TGFBR2: variants seen among roughly 807,000 people sequenced by gnomAD.
TGFBR2 encodes the protein transforming growth factor beta receptor 2.
A neutral mutation model predicts 49.0 loss-of-function variants in TGFBR2; 18 were observed. The ratio of observed to expected loss-of-function variants is 0.37; its 90% CI spans 0.25 to 0.54. TGFBR2 has a LOEUF of 0.54. TGFBR2 is among the 20% of genes least tolerant of loss of function. TGFBR2 has a pLI of 0.85. For missense variants in TGFBR2, 525 were observed against 722.6 expected (o/e 0.73, Z 3.13); for synonymous variants, 282 against 275.9 (o/e 1.02, Z -0.22).
At chr3:30,663,287 TA>T (rs11359371) in intron 3 of TGFBR2, among the ~76,000 whole-genome samples, 104,870 of 151,960 alleles carry the variant, frequency 0.69, 36,680 homozygotes, top group Non-Finnish European at 0.72. Context: ...TCTTCAAGGT[TA>T]ATGGGTCTAT....
Position 30,691,786 on chromosome 3 carries a change from C to A in TGFBR2, c.*187C>A. 1 of 634,550 alleles carries A rather than the reference C, an allele frequency of 1.6e-6. No homozygotes were observed. The highest frequency in any genetic ancestry group is 1.8e-5 in the South Asian group (1 of 56,078). The allele number at this position is 634,550 out of a possible 1,614,324, so 39.3% of individuals were successfully genotyped here. On this transcript the variant is annotated 3_prime_UTR_variant, in exon 7 of 7. Coordinates refer to ENST00000295754, the MANE Select transcript of TGFBR2 (RefSeq NM_003242.6). ...AGTGGGTGACATAGAGCATTCTATG[C>A]CTTTGACATTGTCATAGGATAAGCT... is the stretch of plus-strand genomic sequence containing the variant.
Position 30,688,793 on chromosome 3 carries a change from G to T in TGFBR2, c.1524+282G>T, listed in dbSNP as rs374071921. Among the ~76,000 whole-genome samples, 30 of 152,268 alleles carry T rather than the reference G, an allele frequency of 2.0e-4. No homozygotes were observed. In the South Asian group the frequency reaches 6.2e-3, roughly 32 times the overall value. On this transcript the variant is annotated intron_variant, in intron 6 of 6. Transcript: ENST00000295754. Reference sequence around the variant, plus strand: ...GGTCCTGGGTTAAAACATTTTGTTTGCAGCCTCTGCTACTTACTCCTGGGC... The same window carrying T: ...GGTCCTGGGTTAAAACATTTTGTTTTCAGCCTCTGCTACTTACTCCTGGGC...
chr3:30,643,205 G>A (rs1272828076), intron 1 of TGFBR2, among the ~76,000 whole-genome samples: 2 of 152,216 alleles, frequency 1.3e-5, no homozygotes, highest in Admixed American at 1.3e-4. Context: ...GGAACATGAG[G>A]CTTTTCTTAG....
chr3:30,618,201 A>G (rs963635572), intron 1 of TGFBR2, among the ~76,000 whole-genome samples: 2 of 149,010 alleles, frequency 1.3e-5, no homozygotes, highest in Non-Finnish European at 3.0e-5. Context: ...GAACTGTAGA[A>G]CCCAAGGACC....
At chr3:30,653,482 C>A (rs561850838) in intron 3 of TGFBR2, among the ~76,000 whole-genome samples, 1 of 151,888 alleles carries the variant, frequency 6.6e-6, no homozygotes, top group South Asian at 2.1e-4. Flanking sequence ...AAACTCTTGA[C>A]CTCAGATGAT....
intron 5 of TGFBR2, among the ~76,000 whole-genome samples, chr3:30,678,552 A>T (rs1210025442): frequency 6.6e-6 from 1 of 151,154 alleles, no homozygotes; most frequent in Non-Finnish European, 1.5e-5. Context: ...CGTCTAAAAA[A>T]AAAAAAAAAA....
chr3:30,606,800 C>T lies in TGFBR2; in HGVS notation c.-84C>T. The T allele has an allele frequency of 1.9e-6, 2 of 1,042,818 alleles. No individual in the cohort carries two copies. The highest frequency in any genetic ancestry group is 2.5e-6 in the Non-Finnish European group (2 of 794,284). 64.6% of individuals were successfully genotyped at this position (1,042,818 alleles called of 1,614,324 possible). A position where few individuals can be genotyped will look rare whatever the true frequency, so the allele number is the denominator to read the frequency against. On this transcript the variant is annotated 5_prime_UTR_variant, in exon 1 of 7. Transcript: ENST00000295754. ...CCCGGCGCGGGGTCCGGAGAGGGCG[C>T]GGCGCGGAGGCGCAGCCAGGGGTCC...
rs767407566 is a variant in TGFBR2, at chr3:30,606,947, A to T, written c.64A>T (p.Ser22Cys). 102 of 1,602,816 alleles carry T rather than the reference A, an allele frequency of 6.4e-5. No individual in the cohort carries two copies. The highest frequency in any genetic ancestry group is 7.6e-5 in the Non-Finnish European group (89 of 1,175,020). Residue 22 changes from serine (S) to cysteine (C), a missense_variant, in exon 1 of 7, where the codon AGC becomes TGC. Coordinates refer to ENST00000295754, the MANE Select transcript of TGFBR2 (RefSeq NM_003242.6). ...CATCGTCCTGTGGACGCGTATCGCC[A>T]GCACGATCCCACCGCACGTTCAGAA... ...LHIVLWTRIASTIPPHVQKSV... is the reference protein window; with the variant it reads ...LHIVLWTRIACTIPPHVQKSV...
At chr3:30,618,819 A>C (rs1415640172) in intron 1 of TGFBR2, among the ~76,000 whole-genome samples, 1 of 152,198 alleles carries the variant, frequency 6.6e-6, no homozygotes, top group Non-Finnish European at 1.5e-5. Flanking sequence ...AGACCCAATA[A>C]ATTTCTCTTG....
At chr3:30,634,081 A>G (rs1018674187) in intron 1 of TGFBR2, among the ~76,000 whole-genome samples, 4 of 152,248 alleles carry the variant, frequency 2.6e-5, no homozygotes, top group African/African-American at 9.6e-5. Context: ...AGGCATGCAC[A>G]AGAACCCCGC....
intron 1 of TGFBR2, among the ~76,000 whole-genome samples, chr3:30,640,659 A>T (rs200890884): frequency 1.1e-4 from 9 of 78,926 alleles, no homozygotes; most frequent in African/African-American, 1.9e-4. Context: ...CAATTTTTTT[A>T]AAAAAATATT....
intron 1 of TGFBR2, chr3:30,626,505 T>C (rs1026502858): frequency 2.0e-5 from 3 of 152,296 alleles, no homozygotes; most frequent in Non-Finnish European, 4.4e-5. Context: ...TATTGTTCAC[T>C]TGTTAGCCCC....
intron 2 of TGFBR2, 69 bp downstream of exon 2, chr3:30,644,984 A>G (rs1174097420): frequency 7.2e-7 from 1 of 1,392,368 alleles, no homozygotes; most frequent in African/African-American, 1.4e-5. Flanking sequence ...CATAGTACAC[A>G]CAGTCAGTGT....
At chr3:30,646,155 AC>A (rs1411343484) in intron 2 of TGFBR2, among the ~76,000 whole-genome samples, 2 of 152,108 alleles carry the variant, frequency 1.3e-5, no homozygotes, top group Non-Finnish European at 2.9e-5. Context: ...GTCATTTGAG[AC>A]CCCTAGACCA....
chr3:30,665,402 T>C (rs999273333), intron 3 of TGFBR2, among the ~76,000 whole-genome samples: 7 of 152,352 alleles, frequency 4.6e-5, no homozygotes, highest in African/African-American at 1.7e-4. Flanking sequence ...GGTAAGAGAA[T>C]CTAACTCATA....
At chr3:30,667,620 C>T (rs2125428986) in intron 3 of TGFBR2, among the ~76,000 whole-genome samples, 1 of 152,252 alleles carries the variant, frequency 6.6e-6, no homozygotes, top group South Asian at 2.1e-4. Context: ...GTCAGTGCCA[C>T]ACATAAACTT....
At chr3:30,628,713 G>A (rs967630234) in intron 1 of TGFBR2, among the ~76,000 whole-genome samples, 1 of 151,910 alleles carries the variant, frequency 6.6e-6, no homozygotes, top group Non-Finnish European at 1.5e-5. Flanking sequence ...TTTATCTTGG[G>A]CTCAGGGATT....
rs1254597364 is a variant in TGFBR2, at chr3:30,694,044, ATTGT to A, written c.*2450_*2453del. 6 of 230,444 alleles carry A rather than the reference ATTGT, an allele frequency of 2.6e-5. No individual in the cohort carries two copies. The highest frequency in any genetic ancestry group is 4.4e-5 in the African/African-American group (2 of 45,146). The allele number at this position is 230,444 out of a possible 1,614,324, so 14.3% of individuals were successfully genotyped here. On this transcript the variant is annotated 3_prime_UTR_variant, in exon 7 of 7. Coordinates refer to ENST00000295754, the MANE Select transcript of TGFBR2 (RefSeq NM_003242.6). ...TCAAGCACTTATTTTTATTCTATGCATTGTTTGTCTTTTACATAAATAAAATGTT... is the reference window on the plus strand; with the variant it reads ...TCAAGCACTTATTTTTATTCTATGCATTGTCTTTTACATAAATAAAATGTT...
At chr3:30,677,896 TAATG>T (rs750102349) in intron 5 of TGFBR2, among the ~76,000 whole-genome samples, 61 of 152,318 alleles carry the variant, frequency 4.0e-4, no homozygotes, top group Non-Finnish European at 4.9e-4. Context: ...ACAAATTAAA[TAATG>T]AATCCCCCTG....
Sources: gnomAD v4.1 joint callset for allele counts (sites outside exome capture counted in the v4.1 genomes callset) on GRCh38, gnomAD v4.1.1 for gene constraint, MANE v1.5 for transcripts, NCBI Gene and HGNC (gene_info 2026-07-23, HGNC 2026-07-21) for gene names.